GTF2E2: variants seen among roughly 807,000 people sequenced by gnomAD.
The protein encoded by GTF2E2 is general transcription factor IIE subunit 2.
A neutral mutation model predicts 40.5 loss-of-function variants in GTF2E2; 21 were observed. That is an observed-to-expected ratio of 0.52 (90% CI 0.37 to 0.75). GTF2E2 has a LOEUF of 0.75. Among genes scored for constraint, GTF2E2 ranks in the 30% least tolerant of loss-of-function variants. The pLI is 0.00. For synonymous variants in GTF2E2, 117 were observed against 121.6 expected, an observed-to-expected ratio of 0.96 and a Z score of 0.25; for missense variants, 298 against 338.4, an observed-to-expected ratio of 0.88 and a Z score of 0.94.
chr8:30,627,850 CT>C (rs1801332924), intron 3 of GTF2E2, among the ~76,000 whole-genome samples: 1 of 152,208 alleles, frequency 6.6e-6, no homozygotes, highest in Non-Finnish European at 1.5e-5. Flanking sequence ...GTAGGCCATC[CT>C]TTACTGAGTG....
intron 3 of GTF2E2, among the ~76,000 whole-genome samples, chr8:30,626,142 A>G (rs1003382760): frequency 3.6e-4 from 55 of 152,226 alleles, no homozygotes; most frequent in African/African-American, 1.3e-3. Context: ...CCAAGAGTCA[A>G]CTGCTTCTTA....
intron 6 of GTF2E2, among the ~76,000 whole-genome samples, chr8:30,606,470 T>C (rs566714564): frequency 1.3e-5 from 2 of 152,346 alleles, no homozygotes; most frequent in African/African-American, 4.8e-5. Flanking sequence ...AAATGGCAAT[T>C]GGTAAACTTG....
rs768756005 is a variant in GTF2E2, at chr8:30,614,607, C to T, written c.366+1G>A. 2 of 1,467,860 alleles carry T rather than the reference C, an allele frequency of 1.4e-6. No individual in the cohort carries two copies. The highest frequency in any genetic ancestry group is 1.9e-6 in the Non-Finnish European group (2 of 1,053,492). The allele number at this position is 1,467,860 out of a possible 1,614,324, so 90.9% of individuals were successfully genotyped here. Reference sequence around the variant, plus strand: ...CTCTTGATAATCAACTAAATTCTTACCTCAGTCATTAGCCATTGTTTCTGC... The same window carrying T: ...CTCTTGATAATCAACTAAATTCTTATCTCAGTCATTAGCCATTGTTTCTGC... On this transcript the variant is annotated splice_donor_variant, in intron 4 of 7. Transcript: ENST00000355904. LOFTEE classifies it high-confidence loss of function.
chr8:30,642,243 T>A (rs987002571), intron 2 of GTF2E2, among the ~76,000 whole-genome samples: 1 of 148,568 alleles, frequency 6.7e-6, no homozygotes, highest in Non-Finnish European at 1.5e-5. Flanking sequence ...CTAGATGTGT[T>A]ACATTTTGAA....
At chr8:30,651,207 T>C (rs1473735472) in intron 2 of GTF2E2, among the ~76,000 whole-genome samples, 4 of 151,946 alleles carry the variant, frequency 2.6e-5, no homozygotes, top group East Asian at 3.9e-4. Flanking sequence ...ACAGGCAAGA[T>C]AAATAAAAAT....
At chr8:30,617,777 C>T (rs1800965864) in intron 3 of GTF2E2, among the ~76,000 whole-genome samples, 1 of 147,714 alleles carries the variant, frequency 6.8e-6, no homozygotes, top group East Asian at 2.0e-4. Context: ...GCTAGGTAAA[C>T]AACTATCTGT....
intron 2 of GTF2E2, among the ~76,000 whole-genome samples, chr8:30,640,893 C>G (rs1028815674): frequency 6.6e-6 from 1 of 152,172 alleles, no homozygotes; most frequent in Non-Finnish European, 1.5e-5. Context: ...TTAGCAGAGA[C>G]GGAGTTTCGC....
chr8:30,595,199 C>CA (rs1232982766), intron 6 of GTF2E2, among the ~76,000 whole-genome samples: 4 of 152,146 alleles, frequency 2.6e-5, no homozygotes, highest in African/African-American at 7.2e-5. Context: ...TTTCATATGT[C>CA]ATGTAAAGAC....
At chr8:30,590,863 G>T (rs1476614814) in intron 6 of GTF2E2, among the ~76,000 whole-genome samples, 2 of 151,352 alleles carry the variant, frequency 1.3e-5, no homozygotes, top group Non-Finnish European at 2.9e-5. Context: ...GCTGATTTTT[G>T]TATTTTTAGT....
rs183683589 is a variant in GTF2E2 at position 30,633,623 on chromosome 8, C to A, written c.258+1409G>T. Reference sequence around the variant, plus strand: ...AAGACAGACAAAGTTATAAGTAAGCCACATAGGGAAGTGAAGACCATATTA... The same window carrying A: ...AAGACAGACAAAGTTATAAGTAAGCAACATAGGGAAGTGAAGACCATATTA... On this transcript the variant is annotated intron_variant, in intron 3 of 7. Transcript: ENST00000355904. Among the ~76,000 whole-genome samples, 207 of 152,216 alleles carry A rather than the reference C, an allele frequency of 1.4e-3. 1 individual carries two copies. The highest frequency in any genetic ancestry group is 4.8e-3 in the African/African-American group (199 of 41,508).
chr8:30,582,135 C>T (rs1333610358), intron 6 of GTF2E2, among the ~76,000 whole-genome samples: 1 of 152,180 alleles, frequency 6.6e-6, no homozygotes, highest in Non-Finnish European at 1.5e-5. Context: ...CCTCAGCCTC[C>T]TGAGGAGCTG....
At chr8:30,655,955 C>G (rs1168610598) in intron 1 of GTF2E2, among the ~76,000 whole-genome samples, 1 of 152,046 alleles carries the variant, frequency 6.6e-6, no homozygotes, top group Non-Finnish European at 1.5e-5. Context: ...GGACTACAGG[C>G]GCGCAGCACC....
chr8:30,657,118 G>A (rs559023080), intron 1 of GTF2E2: 2 of 152,250 alleles, frequency 1.3e-5, no homozygotes, highest in African/African-American at 2.4e-5. Context: ...AGAAAGCTTC[G>A]CAATGTCTGT....
At chr8:30,580,584 C>T (rs372577048) in intron 6 of GTF2E2, among the ~76,000 whole-genome samples, 188 bp from the exon 7 acceptor site, 1 of 152,198 alleles carries the variant, frequency 6.6e-6, no homozygotes, top group African/African-American at 2.4e-5. Flanking sequence ...GGAGACAGAA[C>T]TGCACCCACA....
intron 3 of GTF2E2, among the ~76,000 whole-genome samples, chr8:30,621,242 C>T (rs1801092256): frequency 6.6e-6 from 1 of 152,002 alleles, no homozygotes; most frequent in Admixed American, 6.6e-5. Context: ...TTAAAAATTA[C>T]TAGCCTTGTA....
At chr8:30,644,147 C>G (rs551533372) in intron 2 of GTF2E2, among the ~76,000 whole-genome samples, 18 of 152,150 alleles carry the variant, frequency 1.2e-4, no homozygotes, top group Non-Finnish European at 2.5e-4. Flanking sequence ...TTCCTCATTA[C>G]TATAGTTCCA....
chr8:30,607,745 C>T (rs532896383), intron 5 of GTF2E2, among the ~76,000 whole-genome samples: 14 of 152,252 alleles, frequency 9.2e-5, no homozygotes, highest in Admixed American at 9.2e-4. Context: ...GTCCATGGGG[C>T]TCTTTCACTA....
chr8:30,593,225 TCTG>T (rs1342611931), intron 6 of GTF2E2, among the ~76,000 whole-genome samples: 1 of 152,144 alleles, frequency 6.6e-6, no homozygotes, highest in East Asian at 1.9e-4. Flanking sequence ...TGCACAGTAT[TCTG>T]CTGCTGCAGG....
intron 1 of GTF2E2, among the ~76,000 whole-genome samples, chr8:30,656,348 G>T (rs942696976): frequency 6.6e-6 from 1 of 152,216 alleles, no homozygotes; most frequent in Non-Finnish European, 1.5e-5. Flanking sequence ...AGGAAAGTAG[G>T]AGACAGCCTT....
Sources: allele counts gnomAD v4.1 joint callset (sites outside exome capture counted in the v4.1 genomes callset), GRCh38; gene constraint gnomAD v4.1.1; transcripts MANE v1.5; gene names NCBI Gene and HGNC (gene_info 2026-07-23, HGNC 2026-07-21).